The following SLC24A3 variants were observed in gnomAD, a reference collection of about 807,000 sequenced individuals.
SLC24A3 encodes the protein sodium/potassium/calcium exchanger 3.
SLC24A3 carries 28 observed loss-of-function variants against 75.8 expected under a neutral mutation model. The observed-to-expected ratio is 0.37, with a 90% CI of 0.27 to 0.51. The LOEUF (loss-of-function observed/expected upper bound fraction) is 0.51. Among genes scored for constraint, SLC24A3 ranks in the 20% least tolerant of loss-of-function variants. The probability of loss-of-function intolerance (pLI) is 0.94; values close to 1 mark genes in which losing one functional copy is unlikely to be tolerated. For synonymous variants in SLC24A3, 372 were observed against 334.1 expected (o/e 1.11, Z -1.24); for missense variants, 663 against 847.8 (o/e 0.78, Z 2.71).
At chr20:19,239,575 G>A (rs969545131) in intron 1 of SLC24A3, among the ~76,000 whole-genome samples, 11 of 152,208 alleles carry the variant, frequency 7.2e-5, no homozygotes, top group Non-Finnish European at 1.2e-4. Flanking sequence ...CAGGGTGGCT[G>A]ACCCTTTCTT....
intron 2 of SLC24A3, among the ~76,000 whole-genome samples, chr20:19,307,654 T>C (rs1235475033): frequency 6.6e-6 from 1 of 152,052 alleles, no homozygotes; most frequent in Non-Finnish European, 1.5e-5. Flanking sequence ...CTAATGCATG[T>C]GGGGCTTAAA....
At chr20:19,508,215 C>T (rs1348879105) in intron 2 of SLC24A3, among the ~76,000 whole-genome samples, 1 of 152,202 alleles carries the variant, frequency 6.6e-6, no homozygotes, top group East Asian at 1.9e-4. Context: ...GAAACAGAAG[C>T]TTGAAGCCAC....
chr20:19,311,975 C>T (rs1984469390), intron 2 of SLC24A3, among the ~76,000 whole-genome samples: 1 of 152,102 alleles, frequency 6.6e-6, no homozygotes, highest in Non-Finnish European at 1.5e-5. Flanking sequence ...TCATGAATAA[C>T]TATGAATCCA....
At chr20:19,558,718 T>C (rs1180427022) in intron 3 of SLC24A3, among the ~76,000 whole-genome samples, 1 of 152,220 alleles carries the variant, frequency 6.6e-6, no homozygotes, top group African/African-American at 2.4e-5. Flanking sequence ...CAGCATATCA[T>C]ATCAGTACAT....
chr20:19,218,522 T>C (rs1383226891), intron 1 of SLC24A3, among the ~76,000 whole-genome samples: 1 of 152,210 alleles, frequency 6.6e-6, no homozygotes, highest in African/African-American at 2.4e-5. Context: ...TAACAGAAGG[T>C]TGGTTTCATA....
chr20:19,720,173 G>C (rs1183745021), intron 16 of SLC24A3, among the ~76,000 whole-genome samples: 1 of 152,242 alleles, frequency 6.6e-6, no homozygotes, highest in South Asian at 2.1e-4. Flanking sequence ...ACTGGCTATG[G>C]TTGGCTGTAG....
At chr20:19,243,232 A>G (rs1326219364) in intron 1 of SLC24A3, among the ~76,000 whole-genome samples, 3 of 152,204 alleles carry the variant, frequency 2.0e-5, no homozygotes, top group Non-Finnish European at 2.9e-5. Flanking sequence ...TATTTGTAAG[A>G]TACTGGGGAT....
intron 8 of SLC24A3, among the ~76,000 whole-genome samples, chr20:19,669,377 C>T (rs999890664): frequency 2.0e-5 from 3 of 152,044 alleles, no homozygotes; most frequent in African/African-American, 7.2e-5. Context: ...TGATGCACAC[C>T]TGTAGTCCCG....
intron 2 of SLC24A3, among the ~76,000 whole-genome samples, chr20:19,500,391 G>T (rs769804707): frequency 6.6e-6 from 1 of 152,104 alleles, no homozygotes; most frequent in Non-Finnish European, 1.5e-5. Context: ...CAGCTCTTTT[G>T]CTTCTCTCCT....
At chr20:19,611,656 A>T (rs1234369900) in intron 6 of SLC24A3, among the ~76,000 whole-genome samples, 1 of 152,224 alleles carries the variant, frequency 6.6e-6, no homozygotes, top group Non-Finnish European at 1.5e-5. Context: ...AAATCATAGT[A>T]AGAGTGCAGA....
In SLC24A3 at chr20:19,665,759, G is replaced by A. The variant is rs1398026252; in HGVS notation, c.688-105G>A. The A allele has an allele frequency of 2.9e-6, 4 of 1,394,460 alleles. No homozygotes were observed. The African/African-American group carries it at 6.0e-5, about 21-fold the overall frequency. 86.4% of individuals were successfully genotyped at this position (1,394,460 alleles called of 1,614,324 possible). On this transcript the variant is annotated intron_variant, in intron 7 of 16. Transcript: ENST00000328041. ...ACCCAGTCCTGATTACACCATCCCA[G>A]GAACAAGGTGGATACTGCGTGCAGC...
intron 6 of SLC24A3, among the ~76,000 whole-genome samples, chr20:19,630,627 C>T (rs1223103581): frequency 6.6e-6 from 1 of 152,214 alleles, no homozygotes; most frequent in African/African-American, 2.4e-5. Flanking sequence ...TCCTTTTCTA[C>T]AACAGGATTG....
In SLC24A3 at chr20:19,686,508, C is replaced by G. The variant is rs540745511; in HGVS notation, c.1324+1147C>G. Among the ~76,000 whole-genome samples the G allele has an allele frequency of 2.0e-5, 3 of 152,310 alleles. No individual in the cohort carries two copies. In the South Asian group the frequency reaches 6.2e-4, roughly 32 times the overall value. ...CACTAGTTTGATTCACATGGACTGT[C>G]AAGTGTGTGAGGCTCAGTATACATG... On this transcript the variant is annotated intron_variant, in intron 12 of 16. Transcript: ENST00000328041.
At chr20:19,267,251 T>C (rs1287758853) in intron 1 of SLC24A3, among the ~76,000 whole-genome samples, 1 of 152,188 alleles carries the variant, frequency 6.6e-6, no homozygotes, top group Non-Finnish European at 1.5e-5. Flanking sequence ...TATTTTAATT[T>C]AAGGTTGTTT....
intron 2 of SLC24A3, among the ~76,000 whole-genome samples, chr20:19,364,419 G>A (rs1481290838): frequency 2.6e-5 from 4 of 151,664 alleles, no homozygotes; most frequent in African/African-American, 7.3e-5. Flanking sequence ...CAGGAATAAG[G>A]TGTCCACACA....
At chr20:19,658,413 G>T (rs981891317) in intron 7 of SLC24A3, among the ~76,000 whole-genome samples, 5 of 152,288 alleles carry the variant, frequency 3.3e-5, no homozygotes, top group Non-Finnish European at 7.4e-5. Flanking sequence ...ACAGAGCTCA[G>T]AACAGTTCAC....
Position 19,588,509 on chromosome 20 carries a change from T to G in SLC24A3, c.612+2965T>G, listed in dbSNP as rs79687525. On this transcript the variant is annotated intron_variant, in intron 6 of 16. Coordinates refer to ENST00000328041, the MANE Select transcript of SLC24A3 (RefSeq NM_020689.4). The stretch of plus-strand genomic sequence containing the variant: ...TTAAATGTCTGCTGTATTTGCAGTT[T>G]GCAAACATAACCCTCGCTTTGGTGT... Among the ~76,000 whole-genome samples the G allele has an allele frequency of 1.8e-3, 269 of 152,358 alleles. 2 individuals carry two copies. Among genetic ancestry groups the G allele is most frequent in the African/African-American group, 6.2e-3 (256 of 41,590 alleles).
chr20:19,430,366 C>G (rs1297227817), intron 2 of SLC24A3, among the ~76,000 whole-genome samples: 2 of 151,786 alleles, frequency 1.3e-5, no homozygotes, highest in Non-Finnish European at 2.9e-5. Context: ...TCCAGCCCGA[C>G]CAAGGGTCTT....
At chr20:19,708,255 G>T (rs138620894) in intron 15 of SLC24A3, among the ~76,000 whole-genome samples, 1,548 of 152,224 alleles carry the variant, frequency 0.01, 25 homozygotes, top group African/African-American at 0.035. Flanking sequence ...CAGCATGGGG[G>T]TATATTCTAT....
Sources: gnomAD v4.1 joint callset for allele counts (sites outside exome capture counted in the v4.1 genomes callset) on GRCh38, gnomAD v4.1.1 for gene constraint, MANE v1.5 for transcripts, NCBI Gene and HGNC (gene_info 2026-07-23, HGNC 2026-07-21) for gene names.